The following NEDD9 variants were observed in gnomAD, a reference collection of about 807,000 sequenced individuals.
NEDD9 encodes the protein enhancer of filamentation 1.
A neutral mutation model predicts 76.6 loss-of-function variants in NEDD9; 26 were observed. The observed-to-expected ratio is 0.34, with a 90% CI of 0.25 to 0.47. The LOEUF is 0.47. Among genes scored for constraint, NEDD9 ranks in the 20% least tolerant of loss-of-function variants. NEDD9 has a pLI of 1.00. For synonymous variants in NEDD9, 392 were observed against 414.2 expected (o/e 0.95, Z 0.65); for missense variants, 937 against 1,058.5 (o/e 0.89, Z 1.59).
Position 11,189,961 on chromosome 6 carries a change from T to C in NEDD9, c.1905+3A>G. The C allele has an allele frequency of 6.6e-7, 1 of 1,514,332 alleles. No homozygotes were observed. 93.8% of individuals were successfully genotyped at this position (1,514,332 alleles called of 1,614,324 possible). On this transcript the variant is annotated splice_donor_region_variant and intron_variant, in intron 5 of 6. Coordinates refer to ENST00000379446, the MANE Select transcript of NEDD9 (RefSeq NM_006403.4). The stretch of plus-strand genomic sequence containing the variant: ...AGGTGTTTTATGAGTTCCGCTGTTT[T>C]ACCTGTAGGTGGACGTAATCGTAGT...
At chr6:11,357,171 T>C (rs1762593108) in intron 1 of NEDD9, among the ~76,000 whole-genome samples, 1 of 152,200 alleles carries the variant, frequency 6.6e-6, no homozygotes, top group African/African-American at 2.4e-5. Flanking sequence ...AGTCTTTAAA[T>C]TGATTTGCTG....
chr6:11,346,915 G>T (rs1475495319), intron 1 of NEDD9, among the ~76,000 whole-genome samples: 1 of 152,098 alleles, frequency 6.6e-6, no homozygotes, highest in Non-Finnish European at 1.5e-5. Flanking sequence ...TGTTGTGAAA[G>T]GTCAGCCAGC....
intron 1 of NEDD9, among the ~76,000 whole-genome samples, chr6:11,230,450 A>G (rs1003392762): frequency 2.6e-5 from 4 of 152,228 alleles, no homozygotes; most frequent in African/African-American, 9.6e-5. Context: ...TTGTAGAGCT[A>G]TTGGGAGAGT....
intron 3 of NEDD9, among the ~76,000 whole-genome samples, chr6:11,265,834 A>G (rs896845103): frequency 6.6e-6 from 1 of 152,196 alleles, no homozygotes; most frequent in African/African-American, 2.4e-5. Flanking sequence ...TATAAATGCA[A>G]TGGAATACTC....
chr6:11,270,796 G>A (rs1760290770), intron 3 of NEDD9, among the ~76,000 whole-genome samples: 1 of 152,208 alleles, frequency 6.6e-6, no homozygotes. Context: ...AACCCAAAGA[G>A]ACAGTTGAGG....
intron 1 of NEDD9, among the ~76,000 whole-genome samples, chr6:11,227,171 T>A (rs886201126): frequency 1.3e-5 from 2 of 152,230 alleles, no homozygotes; most frequent in African/African-American, 4.8e-5. Flanking sequence ...GTTAGGGCCC[T>A]ATGCTTACAA....
chr6:11,362,665 C>T (rs932970924), intron 1 of NEDD9, among the ~76,000 whole-genome samples: 17 of 152,330 alleles, frequency 1.1e-4, no homozygotes, highest in South Asian at 1.0e-3. Flanking sequence ...TCTGGCACTG[C>T]GTTGACTATA....
At chr6:11,299,279 G>A (rs1053226386) in intron 3 of NEDD9, among the ~76,000 whole-genome samples, 4 of 152,172 alleles carry the variant, frequency 2.6e-5, no homozygotes, top group African/African-American at 4.8e-5. Context: ...TGCAGCTTGA[G>A]GGGGGGAGGG....
intron 1 of NEDD9, among the ~76,000 whole-genome samples, chr6:11,357,084 T>A (rs994030295): frequency 2.0e-5 from 3 of 152,206 alleles, no homozygotes; most frequent in Non-Finnish European, 4.4e-5. Context: ...GCTTCGTTTT[T>A]CACTTTTGAA....
At chr6:11,239,155 A>G (rs2113285776) in intron 3 of NEDD9, among the ~76,000 whole-genome samples, 1 of 152,250 alleles carries the variant, frequency 6.6e-6, no homozygotes, top group Admixed American at 6.5e-5. Context: ...AGACAGAGTG[A>G]GACCCTGTCT....
intron 1 of NEDD9, among the ~76,000 whole-genome samples, chr6:11,357,667 G>A (rs775202864): frequency 5.9e-5 from 9 of 152,274 alleles, no homozygotes; most frequent in African/African-American, 9.6e-5. Flanking sequence ...CTTTTCAGGC[G>A]CTTGCTTCGG....
In NEDD9 at chr6:11,370,664, G is replaced by T. The variant is rs778527223; in HGVS notation, c.-214+11475C>A. Among the ~76,000 whole-genome samples the T allele has an allele frequency of 6.6e-6, 1 of 152,150 alleles. No homozygotes were observed. The highest frequency in any genetic ancestry group is 1.5e-5 in the Non-Finnish European group (1 of 68,032). On this transcript the variant is annotated intron_variant, in intron 1 of 3. Transcript: ENST00000397378. The surrounding 1 kb of genome is among the most constrained non-coding windows in gnomAD (Gnocchi z 4.2). Reference sequence around the variant, plus strand: ...CTTCTTTCCCTGCCTGGTAGCACCCGTCCCTCACGCTCACTGGATGATCCA... The same window carrying T: ...CTTCTTTCCCTGCCTGGTAGCACCCTTCCCTCACGCTCACTGGATGATCCA...
chr6:11,233,637 T>C (rs926206667), upstream of NEDD9, among the ~76,000 whole-genome samples: 1 of 152,132 alleles, frequency 6.6e-6, no homozygotes, highest in African/African-American at 2.4e-5. Context: ...AAGACCAGTC[T>C]CTCTCCAGCG....
In NEDD9 at chr6:11,191,110, C is replaced by A; in HGVS notation, c.759G>T (p.Pro253=). The change falls in exon 5 of 7, where the codon CCG becomes CCT. Residue 253 remains proline (P), a synonymous_variant. Coordinates refer to ENST00000379446, the MANE Select transcript of NEDD9 (RefSeq NM_006403.4). ...FPPPMRQAGR[P]DLRPEGVYDI... ...CATAAACCCCCTCCGGTCTGAGGTC[C>A]GGCCTTCCAGCTTGTCTCATGGGAG... The A allele has an allele frequency of 6.2e-7, 1 of 1,613,946 alleles. No homozygotes were observed. The highest frequency in any genetic ancestry group is 1.1e-5 in the South Asian group (1 of 91,064).
intron 2 of NEDD9, among the ~76,000 whole-genome samples, chr6:11,323,167 T>C (rs1290128374): frequency 1.3e-5 from 2 of 152,182 alleles, no homozygotes; most frequent in Non-Finnish European, 2.9e-5. Flanking sequence ...ACAAAAATCT[T>C]TGTAGGCCTC....
chr6:11,362,586 C>T (rs956080981), intron 1 of NEDD9, among the ~76,000 whole-genome samples: 1 of 152,186 alleles, frequency 6.6e-6, no homozygotes, highest in Non-Finnish European at 1.5e-5. Context: ...ACTGCAGTCA[C>T]ACTATTCTTT....
At chr6:11,188,377 A>G in intron 5 of NEDD9, 70 bp from the exon 6 acceptor site, 1 of 1,252,074 alleles carries the variant, frequency 8.0e-7, no homozygotes, top group Non-Finnish European at 1.2e-6. Flanking sequence ...AATTTCATTG[A>G]CGGATGAGTA....
chr6:11,291,936 G>A (rs944923160), intron 3 of NEDD9, among the ~76,000 whole-genome samples: 7 of 152,172 alleles, frequency 4.6e-5, no homozygotes, highest in Non-Finnish European at 1.0e-4. Flanking sequence ...GAGATGGTGA[G>A]TACAGGGTCA....
chr6:11,262,295 T>C (rs1255831612), intron 3 of NEDD9, among the ~76,000 whole-genome samples: 1 of 152,210 alleles, frequency 6.6e-6, no homozygotes, highest in African/African-American at 2.4e-5. Flanking sequence ...AAAGACTTAC[T>C]TTCTCGGCAA....
Sources: gnomAD v4.1 joint callset for allele counts (sites outside exome capture counted in the v4.1 genomes callset) on GRCh38, gnomAD v4.1.1 for gene constraint, Gnocchi (gnomAD v3.1) non-coding constraint, MANE v1.5 for transcripts, NCBI Gene and HGNC (gene_info 2026-07-23, HGNC 2026-07-21) for gene names.